The following C22orf31 variants were observed in gnomAD, a reference collection of about 807,000 sequenced individuals.
C22orf31 encodes uncharacterized protein C22orf31.
A neutral mutation model predicts 15.0 loss-of-function variants in C22orf31; 11 were observed. The ratio of observed to expected loss-of-function variants is 0.73; its 90% CI spans 0.46 to 1.21. The LOEUF (loss-of-function observed/expected upper bound fraction) is 1.21. C22orf31 is among the 50% of genes most tolerant of loss of function. The pLI is 0.00. For synonymous variants in C22orf31, 132 were observed against 133.3 expected (o/e 0.99, Z 0.07); for missense variants, 340 against 347.2 (o/e 0.98, Z 0.17).
At chr22:29,066,486 C>T (rs1008386266), upstream of C22orf31, among the ~76,000 whole-genome samples, 16 of 151,170 alleles carry the variant, frequency 1.1e-4, no homozygotes, top group Admixed American at 5.9e-4. Context: ...ACCTGACTCC[C>T]GCAGATGTCC....
At chr22:29,060,043 T>A (rs1322011969) in intron 2 of C22orf31, 24 of 730,970 alleles carry the variant, frequency 3.3e-5, no homozygotes, top group African/African-American at 1.1e-4. Context: ...TTTTTTTTTT[T>A]ATTTTTTAGA....
Position 29,060,658 on chromosome 22 carries a change from T to C in C22orf31, c.189A>G (p.Glu63=), listed in dbSNP as rs2037381108. Residue 63 remains glutamate, a synonymous_variant, in exon 2 of 3, where the codon GAA becomes GAG. Transcript: ENST00000216071. ...APAPATTSSW[E]VVRNPLIASS... is the part of the protein sequence containing the mutation. The stretch of plus-strand genomic sequence containing the variant: ...TGGCAATTAATGGGTTCCTTACAAC[T>C]TCCCAAGAGGAAGTGGTAGCTGGTG... 1 of 1,614,072 alleles carries C rather than the reference T, an allele frequency of 6.2e-7. No individual in the cohort carries two copies. Among genetic ancestry groups the C allele is most frequent in the Non-Finnish European group, 8.5e-7 (1 of 1,180,042 alleles).
At chr22:29,059,458 A>G (rs2037358168) in intron 2 of C22orf31, among the ~76,000 whole-genome samples, 1 of 152,246 alleles carries the variant, frequency 6.6e-6, no homozygotes, top group Admixed American at 6.5e-5. Context: ...CATCTATTGA[A>G]TGCCACGCAA....
At chr22:29,064,703 TTTTTTTTTTTTTTTTTTTG>T (rs2037417816), upstream of C22orf31, among the ~76,000 whole-genome samples, 7 of 58,046 alleles carry the variant, frequency 1.2e-4, no homozygotes, top group South Asian at 1.2e-3. Context: ...TTTTTTTTTT[TTTTTTTTTTTTTTTTTTTG>T]TAGAGATGAG....
upstream of C22orf31, among the ~76,000 whole-genome samples, chr22:29,065,664 T>C (rs1438285929): frequency 6.6e-6 from 1 of 152,228 alleles, no homozygotes; most frequent in Non-Finnish European, 1.5e-5. Context: ...GAAGATAAGA[T>C]AAGGAAGTGG....
Position 29,058,889 on chromosome 22 carries a change from G to C in C22orf31, c.726C>G (p.Ala242=). Residue 242 remains alanine (A), a synonymous_variant, in exon 3 of 3, where the codon GCC becomes GCG. Transcript: ENST00000216071. The stretch of plus-strand genomic sequence containing the variant: ...GAGCCTCCCAGAGCTTTTGTTTAAT[G>C]GCCTTGCCCAGCTCCAGGCTGTACC... The part of the protein sequence containing the change: ...PKRYSLELGK[A]IKQKLWEALC... 1 of 1,614,180 alleles carries C rather than the reference G, an allele frequency of 6.2e-7. No individual in the cohort carries two copies. Among genetic ancestry groups the C allele is most frequent in the Non-Finnish European group, 8.5e-7 (1 of 1,180,018 alleles).
chr22:29,061,876 CTT>C (rs376004796), upstream of C22orf31: 7 of 1,118,728 alleles, frequency 6.3e-6, no homozygotes, highest in East Asian at 9.9e-5. Flanking sequence ...CTCTCTCTCT[CTT>C]TTTTTTTGTT....
chr22:29,058,849 C>T lies in C22orf31; in HGVS notation c.766G>A (p.Ala256Thr). ...TCCCTCTGAGCACCTTCAGAGATGGCACCCTGACTGCAAAGAGCCTCCCAG... is the reference window on the plus strand; with the variant it reads ...TCCCTCTGAGCACCTTCAGAGATGGTACCCTGACTGCAAAGAGCCTCCCAG... ...KLWEALCSQGAISEGAQRDRF... is the reference protein window; with the variant it reads ...KLWEALCSQGTISEGAQRDRF... Residue 256 changes from alanine (A) to threonine (T), a missense_variant, in exon 3 of 3, where the codon GCC becomes ACC. Transcript: ENST00000216071. 5.0e-6 allele frequency: 8 copies of T among 1,614,196 alleles called. No homozygotes were observed. Among genetic ancestry groups the T allele is most frequent in the Non-Finnish European group, 6.8e-6 (8 of 1,180,018 alleles).
chr22:29,060,431 G>T lies in C22orf31; in HGVS notation c.416C>A (p.Ala139Glu), dbSNP rs2037377820. The change falls in exon 2 of 3, where the codon GCA (alanine) becomes GAA (glutamate). Residue 139 changes from alanine (A) to glutamate (E), a missense_variant. Ala to Glu is a moderately radical substitution (Grantham distance 107). Transcript: ENST00000216071. ...CTCGTCTACCTCTCTGATGCCTCCT[G>T]CAGGCCTCCTATGCCCTGCTGGCTG... ...SKQPAGHRRP[A>E]GGIRESKESS... 6.2e-7 allele frequency: 1 copy of T among 1,612,604 alleles called. No individual in the cohort carries two copies. The highest frequency in any genetic ancestry group is 1.3e-5 in the African/African-American group (1 of 74,872).
chr22:29,063,313 G>A (rs748845933), upstream of C22orf31, among the ~76,000 whole-genome samples: 4 of 152,022 alleles, frequency 2.6e-5, no homozygotes, highest in Admixed American at 6.6e-5. Context: ...TTACAGGCGC[G>A]GACCACCAAG....
the C22orf31 span, among the ~76,000 whole-genome samples, chr22:29,067,688 C>T: frequency 6.6e-6 from 1 of 152,126 alleles, no homozygotes; most frequent in Non-Finnish European, 1.5e-5. Context: ...AGGTGATCTG[C>T]CAGCATCGGA....
intron 1 of C22orf31, 144 bp downstream of exon 1, chr22:29,061,646 G>T: frequency 1.7e-6 from 1 of 598,064 alleles, no homozygotes; most frequent in East Asian, 2.7e-5. Context: ...GACCATAAAA[G>T]CAACACGAAA....
At chr22:29,064,431 T>C (rs1233087945), upstream of C22orf31, among the ~76,000 whole-genome samples, 2 of 152,152 alleles carry the variant, frequency 1.3e-5, no homozygotes. Context: ...TTATTGTGAG[T>C]TTGAAGTGGG....
upstream of C22orf31, among the ~76,000 whole-genome samples, chr22:29,066,028 T>C (rs1257094370): frequency 6.6e-6 from 1 of 152,144 alleles, no homozygotes; most frequent in Non-Finnish European, 1.5e-5. Flanking sequence ...TCACAGTATT[T>C]TTAGCTCGTA....
rs2037342811 is a variant in C22orf31, at chr22:29,058,700, G to T, written c.*42C>A. On this transcript the variant is annotated 3_prime_UTR_variant, in exon 3 of 3. Coordinates refer to ENST00000216071, the MANE Select transcript of C22orf31 (RefSeq NM_015370.2). ...GGTGCAAAGTTGTGTTTATTTTTCA[G>T]ATCTCTAGCAGAGAATACTCTAATC... is the stretch of plus-strand genomic sequence containing the variant. 2.1e-6 allele frequency: 3 copies of T among 1,454,538 alleles called. No homozygotes were observed. Among genetic ancestry groups the T allele is most frequent in the East Asian group, 2.3e-5 (1 of 43,954 alleles). The allele number at this position is 1,454,538 out of a possible 1,614,324, so 90.1% of individuals were successfully genotyped here.
chr22:29,059,029 G>A lies in C22orf31; in HGVS notation c.586C>T (p.Gln196Ter), dbSNP rs201380718. The A allele has an allele frequency of 6.8e-6, 11 of 1,614,238 alleles. No individual in the cohort carries two copies. In the African/African-American group the frequency reaches 1.3e-4, roughly 20 times the overall value. ...GTTAGCGTGTCCTCCGACAACTGCT[G>A]TCTCTTTTGGGTTTCAGGAAGCAAC... The part of the protein sequence containing the change: ...RVLLPETQKR[Q>*]QLSEDTLTIH... Residue 196 changes from glutamine to a stop codon, truncating the protein, a stop_gained, in exon 3 of 3, where the codon CAG becomes TAG. Transcript: ENST00000216071. LOFTEE classifies it low-confidence loss of function (END_TRUNC).
chr22:29,070,842 AT>A, the C22orf31 span, among the ~76,000 whole-genome samples: 1 of 152,208 alleles, frequency 6.6e-6, no homozygotes, highest in African/African-American at 2.4e-5. Context: ...GTTCTTCGGA[AT>A]TTGTGTGTTT....
At chr22:29,061,513 G>A (rs563894854) in intron 1 of C22orf31, among the ~76,000 whole-genome samples, 23 of 152,094 alleles carry the variant, frequency 1.5e-4, no homozygotes, top group Admixed American at 2.6e-4. Context: ...TGATCCGCCC[G>A]CCTCAGCCTC....
At chr22:29,068,910 G>T in the C22orf31 span, among the ~76,000 whole-genome samples, 2 of 151,288 alleles carry the variant, frequency 1.3e-5, no homozygotes, top group African/African-American at 4.9e-5. Flanking sequence ...GACTACAGGC[G>T]CCCGCCACTA....
Sources: allele counts gnomAD v4.1 joint callset (sites outside exome capture counted in the v4.1 genomes callset), GRCh38; gene constraint gnomAD v4.1.1; transcripts MANE v1.5; gene names NCBI Gene and HGNC (gene_info 2026-07-23, HGNC 2026-07-21).